Variants in FARS2 observed in about 807,000 individuals in gnomAD.
FARS2 encodes the protein phenylalanyl-tRNA synthetase 2, mitochondrial.
FARS2 carries 40 observed loss-of-function variants against 46.4 expected under a neutral mutation model. That is an observed-to-expected ratio of 0.86 (90% CI 0.67 to 1.12). FARS2 has a LOEUF of 1.12. FARS2 is among the 50% of genes most tolerant of loss of function. The pLI, the probability that FARS2 is intolerant of heterozygous loss-of-function variation, is 0.00. For missense variants in FARS2, 513 were observed against 567.9 expected (o/e 0.90, Z 0.98); for synonymous variants, 234 against 214.9 (o/e 1.09, Z -0.78).
chr6:5,755,507 A>G (rs983337139), intron 6 of FARS2, among the ~76,000 whole-genome samples: 1 of 152,162 alleles, frequency 6.6e-6, no homozygotes, highest in African/African-American at 2.4e-5. Context: ...TGTCCCTGCC[A>G]TTCTTTTTTC....
At chr6:5,373,780 G>A (rs890321214) in intron 2 of FARS2, among the ~76,000 whole-genome samples, 1 of 151,978 alleles carries the variant, frequency 6.6e-6, no homozygotes, top group Non-Finnish European at 1.5e-5. Flanking sequence ...GCTATGGCTT[G>A]AGAAGCGCTG....
chr6:5,357,213 G>C (rs755073942), intron 1 of FARS2, among the ~76,000 whole-genome samples: 2 of 152,188 alleles, frequency 1.3e-5, no homozygotes, highest in African/African-American at 2.4e-5. Context: ...ATTATGGGGA[G>C]AAAATGGAGC....
At chr6:5,513,249 C>T (rs1768566604) in intron 4 of FARS2, among the ~76,000 whole-genome samples, 1 of 152,248 alleles carries the variant, frequency 6.6e-6, no homozygotes, top group African/African-American at 2.4e-5. Context: ...ACCTTGTGAA[C>T]AGCGAGGTTA....
chr6:5,519,479 T>C (rs1256579530), intron 4 of FARS2, among the ~76,000 whole-genome samples: 1 of 152,096 alleles, frequency 6.6e-6, no homozygotes, highest in Admixed American at 6.5e-5. Context: ...GGGGGTTTTT[T>C]TGTGATAGGA....
chr6:5,525,634 T>TA (rs1769416630), intron 4 of FARS2, among the ~76,000 whole-genome samples: 1 of 152,192 alleles, frequency 6.6e-6, no homozygotes, highest in Non-Finnish European at 1.5e-5. Flanking sequence ...AACTAGTAGA[T>TA]TAAGATTTAA....
chr6:5,434,327 G>A (rs1411322613), intron 4 of FARS2, among the ~76,000 whole-genome samples: 1 of 152,052 alleles, frequency 6.6e-6, no homozygotes, highest in Non-Finnish European at 1.5e-5. Flanking sequence ...GGCCAGGCTG[G>A]TCTCGAACTC....
At chr6:5,349,768 T>C (rs1298161377) in intron 1 of FARS2, among the ~76,000 whole-genome samples, 2 of 152,196 alleles carry the variant, frequency 1.3e-5, no homozygotes, top group Non-Finnish European at 2.9e-5. Flanking sequence ...TCTTATACTC[T>C]CCTTGTTTCT....
chr6:5,395,885 G>A (rs911983351), intron 2 of FARS2, among the ~76,000 whole-genome samples: 2 of 152,102 alleles, frequency 1.3e-5, no homozygotes, highest in African/African-American at 4.8e-5. Flanking sequence ...TAAAAGCACT[G>A]AGAAGAAAAA....
At chr6:5,547,514 G>A (rs943303734) in intron 5 of FARS2, among the ~76,000 whole-genome samples, 3 of 152,154 alleles carry the variant, frequency 2.0e-5, no homozygotes, top group Admixed American at 6.5e-5. Context: ...CAGGAGTTGA[G>A]TTGAATTTCA....
At chr6:5,442,994 T>A (rs1447855633) in intron 4 of FARS2, among the ~76,000 whole-genome samples, 2 of 152,236 alleles carry the variant, frequency 1.3e-5, no homozygotes, top group Non-Finnish European at 2.9e-5. Context: ...GTGGCATGAT[T>A]TCTAGATATA....
chr6:5,509,963 TATGG>T (rs2150399975), intron 4 of FARS2, among the ~76,000 whole-genome samples: 1 of 152,294 alleles, frequency 6.6e-6, no homozygotes, highest in East Asian at 1.9e-4. Flanking sequence ...TGGAGCTCTT[TATGG>T]TGGTGTTAAC....
At chr6:5,305,150 A>G (rs1472897942) in intron 1 of FARS2, among the ~76,000 whole-genome samples, 2 of 152,192 alleles carry the variant, frequency 1.3e-5, no homozygotes, top group Non-Finnish European at 2.9e-5. Context: ...AGTGGGAAAG[A>G]TACTGTGATT....
In FARS2 at chr6:5,327,958, T is replaced by C. The variant is rs1448111064; in HGVS notation, c.-21-40592T>C. 5.3e-5 allele frequency among the ~76,000 whole-genome samples: 8 copies of C among 152,360 alleles called. No individual in the cohort carries two copies. In the East Asian group the frequency reaches 1.5e-3, roughly 29 times the overall value. On this transcript the variant is annotated intron_variant, in intron 1 of 6. Coordinates refer to ENST00000274680, the MANE Select transcript of FARS2 (RefSeq NM_006567.5). ...ATTATTGAAATGACATGCTGACTACTGGTGTGTACAGATGACTTTCAATAC... is the reference window on the plus strand; with the variant it reads ...ATTATTGAAATGACATGCTGACTACCGGTGTGTACAGATGACTTTCAATAC...
Position 5,757,729 on chromosome 6 carries a change from A to G in FARS2, c.1218-13562A>G, listed in dbSNP as rs116935174. Among the ~76,000 whole-genome samples the G allele has an allele frequency of 1.1e-4, 16 of 152,330 alleles. No homozygotes were observed. In the East Asian group the frequency reaches 3.1e-3, roughly 29 times the overall value. On this transcript the variant is annotated intron_variant, in intron 6 of 6. Transcript: ENST00000274680. ...ACCTAATATTTGGGTGCATCTCTGC[A>G]ATAGGAGGTGACAGTGTCTGCCTCT...
intron 5 of FARS2, among the ~76,000 whole-genome samples, chr6:5,607,232 T>A (rs544370912): frequency 1.9e-4 from 29 of 152,066 alleles, no homozygotes; most frequent in Admixed American, 6.5e-4. Flanking sequence ...AGTAGCTGAA[T>A]AGAGACACTA....
chr6:5,625,500 A>C (rs1775986180), intron 6 of FARS2, among the ~76,000 whole-genome samples: 2 of 152,312 alleles, frequency 1.3e-5, no homozygotes, highest in East Asian at 3.9e-4. Context: ...GGATGAGGTC[A>C]GCCCCGGGGG....
At chr6:5,554,622 G>C (rs9378965) in intron 5 of FARS2, among the ~76,000 whole-genome samples, 107,165 of 152,154 alleles carry the variant, frequency 0.7, 38,310 homozygotes, top group Middle Eastern at 0.86. Flanking sequence ...ATAATACTTG[G>C]CATTTGTTGA....
chr6:5,352,955 TATATC>T (rs1373093349), intron 1 of FARS2, among the ~76,000 whole-genome samples: 39 of 152,324 alleles, frequency 2.6e-4, no homozygotes, highest in African/African-American at 9.1e-4. Context: ...ATTTTGAAAT[TATATC>T]ATACAATATT....
intron 2 of FARS2, among the ~76,000 whole-genome samples, chr6:5,391,887 A>G (rs1054320351): frequency 6.6e-6 from 1 of 152,200 alleles, no homozygotes; most frequent in African/African-American, 2.4e-5. Flanking sequence ...GTAGTTCTGA[A>G]CTACTTTCTG....
Sources: gnomAD v4.1 joint callset for allele counts (sites outside exome capture counted in the v4.1 genomes callset) on GRCh38, gnomAD v4.1.1 for gene constraint, MANE v1.5 for transcripts, NCBI Gene and HGNC (gene_info 2026-07-23, HGNC 2026-07-21) for gene names.